Variants in RANBP17 observed in about 807,000 individuals in gnomAD.
RANBP17 encodes the protein ran-binding protein 17.
In RANBP17, 158 loss-of-function variants were observed where a neutral mutation model predicts 141.2. That is an observed-to-expected ratio of 1.12 (90% CI 0.98 to 1.28). The LOEUF (loss-of-function observed/expected upper bound fraction) is 1.28, where lower values mean the gene tolerates loss of function less well. Ranked by LOEUF, RANBP17 falls within the 50% of genes most tolerant of loss-of-function variation. The pLI is 0.00. For missense variants in RANBP17, 1,438 were observed against 1,290.7 expected (o/e 1.11, Z -1.75); for synonymous variants, 430 against 450.0 (o/e 0.96, Z 0.56).
At chr5:171,272,848 G>C (rs1767209091) in intron 25 of RANBP17, among the ~76,000 whole-genome samples, 1 of 152,292 alleles carries the variant, frequency 6.6e-6, no homozygotes, top group East Asian at 1.9e-4. Flanking sequence ...AAGTGGCTTT[G>C]CAGTTGCTGC....
intron 12 of RANBP17, among the ~76,000 whole-genome samples, chr5:170,951,592 A>G (rs1442253616): frequency 6.6e-6 from 1 of 152,094 alleles, no homozygotes; most frequent in East Asian, 1.9e-4. Context: ...AGCTAGGGGC[A>G]TGGGGGTAGG....
chr5:170,879,014 G>A (rs2127351198), intron 2 of RANBP17, among the ~76,000 whole-genome samples: 1 of 152,248 alleles, frequency 6.6e-6, no homozygotes, highest in African/African-American at 2.4e-5. Context: ...ATACAGGTCT[G>A]TTAATGAAGA....
At chr5:170,916,133 G>A (rs34014880) in intron 8 of RANBP17, among the ~76,000 whole-genome samples, 69,239 of 114,090 alleles carry the variant, frequency 0.61, 22,618 homozygotes, top group South Asian at 0.88. Context: ...ATTATCATGC[G>A]TTATATTCTA....
chr5:170,938,610 A>G (rs1048611624), intron 12 of RANBP17, among the ~76,000 whole-genome samples: 5 of 152,218 alleles, frequency 3.3e-5, no homozygotes, highest in African/African-American at 1.2e-4. Context: ...AGGAGTGTGA[A>G]AAACAACCAG....
At chr5:171,198,665 T>A (rs1762119445) in intron 18 of RANBP17, among the ~76,000 whole-genome samples, 1 of 152,228 alleles carries the variant, frequency 6.6e-6, no homozygotes, top group Admixed American at 6.5e-5. Flanking sequence ...TCACAAGTGA[T>A]GTTGATGCTC....
chr5:171,161,023 C>T (rs1452624813), intron 14 of RANBP17, among the ~76,000 whole-genome samples: 2 of 152,170 alleles, frequency 1.3e-5, no homozygotes. Flanking sequence ...TAGTCTGGAA[C>T]TCAGGTGATC....
In RANBP17 at chr5:171,031,093, C is replaced by T. The variant is rs1381737993; in HGVS notation, c.1710+62716C>T. 2.0e-5 allele frequency among the ~76,000 whole-genome samples: 3 copies of T among 151,894 alleles called. No homozygotes were observed. The East Asian group carries it at 5.8e-4, about 29-fold the overall frequency. ...ATATGAATGAACTAAAATTTGGAAA[C>T]TTAAAAGATCAGTTTTTAGTCTTTA... On this transcript the variant is annotated intron_variant, in intron 14 of 27. Transcript: ENST00000523189.
chr5:170,970,196 A>G (rs1339533342), intron 14 of RANBP17, among the ~76,000 whole-genome samples: 2 of 151,884 alleles, frequency 1.3e-5, no homozygotes, highest in African/African-American at 4.8e-5. Context: ...TTAGCAACCA[A>G]CTACGTAAGG....
chr5:171,012,105 C>CA lies in RANBP17; in HGVS notation c.1710+43729dup, dbSNP rs1364904267. ...TGTTTATTTGTTTAAACAAATAATA[C>CA]ATTTGTTTAAACAAATAATATAATT... On this transcript the variant is annotated intron_variant, in intron 14 of 27. Transcript: ENST00000523189. Among the ~76,000 whole-genome samples, 16 of 150,796 alleles carry CA rather than the reference C, an allele frequency of 1.1e-4. No homozygotes were observed. In the East Asian group the frequency reaches 2.9e-3, roughly 28 times the overall value.
chr5:171,153,818 G>A (rs908916821), intron 14 of RANBP17, among the ~76,000 whole-genome samples: 42 of 151,946 alleles, frequency 2.8e-4, no homozygotes, highest in African/African-American at 9.2e-4. Flanking sequence ...ACCTGAGGTC[G>A]GGAGTTCAAG....
intron 14 of RANBP17, among the ~76,000 whole-genome samples, chr5:171,106,631 A>G (rs1040747488): frequency 2.6e-5 from 4 of 152,192 alleles, no homozygotes; most frequent in African/African-American, 4.8e-5. Context: ...CCATTTGGGC[A>G]TCGATTTGTC....
chr5:171,246,564 TAAG>T (rs1765229579), intron 24 of RANBP17, among the ~76,000 whole-genome samples: 2 of 152,236 alleles, frequency 1.3e-5, no homozygotes, highest in Non-Finnish European at 2.9e-5. Flanking sequence ...CTTCATGGAA[TAAG>T]AAGAAATTCT....
At chr5:171,193,128 CTTGT>C (rs1390312338) in intron 18 of RANBP17, among the ~76,000 whole-genome samples, 1 of 152,176 alleles carries the variant, frequency 6.6e-6, no homozygotes, top group East Asian at 1.9e-4. Flanking sequence ...CCTATGTCTC[CTTGT>C]TTATCTCTCC....
intron 14 of RANBP17, among the ~76,000 whole-genome samples, chr5:171,123,488 T>TCATGTATTTGTGGAGGAGG (rs1410866759): frequency 3.9e-5 from 6 of 152,202 alleles, no homozygotes; most frequent in African/African-American, 1.4e-4. Flanking sequence ...CTGCCACTGC[T>TCATGTATTTGTGGAGGAGG]CATGTCATAG....
intron 19 of RANBP17, among the ~76,000 whole-genome samples, chr5:171,201,185 A>G (rs1762278303): frequency 1.3e-5 from 2 of 152,216 alleles, no homozygotes; most frequent in Admixed American, 1.3e-4. Flanking sequence ...ATGGAGTTCC[A>G]GTGATATATC....
intron 14 of RANBP17, among the ~76,000 whole-genome samples, chr5:171,129,459 G>A (rs948954334): frequency 6.6e-6 from 1 of 152,070 alleles, no homozygotes; most frequent in Non-Finnish European, 1.5e-5. Flanking sequence ...ACCCATCCCT[G>A]TATTGCCACC....
chr5:170,900,546 T>A (rs1207987620), intron 5 of RANBP17, among the ~76,000 whole-genome samples: 1 of 152,190 alleles, frequency 6.6e-6, no homozygotes, highest in East Asian at 1.9e-4. Context: ...ATTTCTTGTC[T>A]TCAGCTAGCT....
intron 14 of RANBP17, among the ~76,000 whole-genome samples, chr5:171,001,511 T>C (rs1307158740): frequency 6.6e-6 from 1 of 152,122 alleles, no homozygotes; most frequent in Non-Finnish European, 1.5e-5. Context: ...GGAATGAGAC[T>C]GGAGCCTAAT....
intron 14 of RANBP17, among the ~76,000 whole-genome samples, chr5:171,094,261 G>A (rs569085894): frequency 6.6e-6 from 1 of 152,238 alleles, no homozygotes. Context: ...TGTTTTAATT[G>A]TGTGTGTTGC....
Sources: allele counts gnomAD v4.1 joint callset (sites outside exome capture counted in the v4.1 genomes callset), GRCh38; gene constraint gnomAD v4.1.1; transcripts MANE v1.5; gene names NCBI Gene and HGNC (gene_info 2026-07-23, HGNC 2026-07-21).